Variants in CTTNBP2NL observed in about 807,000 individuals in gnomAD.
CTTNBP2NL encodes CTTNBP2 N-terminal like.
A neutral mutation model predicts 32.5 loss-of-function variants in CTTNBP2NL; 16 were observed. That is an observed-to-expected ratio of 0.49 (90% confidence interval 0.33 to 0.75). The LOEUF (loss-of-function observed/expected upper bound fraction) is 0.75, where lower values mean the gene tolerates loss of function less well. Ranked by LOEUF, CTTNBP2NL falls within the 30% of genes least tolerant of loss-of-function variation. The probability of loss-of-function intolerance (pLI) is 0.02; values close to 1 mark genes in which losing one functional copy is unlikely to be tolerated. For synonymous variants in CTTNBP2NL, 298 were observed against 289.4 expected, an observed-to-expected ratio of 1.03 and a Z score of -0.30; for missense variants, 645 against 756.0, an observed-to-expected ratio of 0.85 and a Z score of 1.72.
At chr1:112,415,872 C>A (rs1017842347) in intron 2 of CTTNBP2NL, 1 of 322,406 alleles carries the variant, frequency 3.1e-6, no homozygotes, top group Non-Finnish European at 5.7e-6. Flanking sequence ...CTAATTCTTT[C>A]TGAGATTTCC....
chr1:112,429,088 A>G (rs1649485423), intron 3 of CTTNBP2NL, among the ~76,000 whole-genome samples: 1 of 152,100 alleles, frequency 6.6e-6, no homozygotes, highest in Non-Finnish European at 1.5e-5. Context: ...TGGTTTTCAG[A>G]GTGTTTCTAT....
At chr1:112,444,027 C>T (rs1190509342) in intron 3 of CTTNBP2NL, among the ~76,000 whole-genome samples, 2 of 152,162 alleles carry the variant, frequency 1.3e-5, no homozygotes, top group Non-Finnish European at 2.9e-5. Context: ...TGGTCCCTGG[C>T]ATGAAGTATT....
chr1:112,421,678 T>C (rs1025309833), intron 3 of CTTNBP2NL, among the ~76,000 whole-genome samples: 1 of 151,912 alleles, frequency 6.6e-6, no homozygotes, highest in African/African-American at 2.4e-5. Context: ...ACAGTTCTTC[T>C]CAATTAAATC....
intron 3 of CTTNBP2NL, among the ~76,000 whole-genome samples, chr1:112,430,186 CTT>C (rs749093567): frequency 1.2e-5 from 1 of 81,360 alleles, no homozygotes; most frequent in African/African-American, 3.4e-5. Flanking sequence ...CTTTTCTTTT[CTT>C]TTCTTTTCTT....
At chr1:112,422,247 A>T (rs569196449) in intron 3 of CTTNBP2NL, among the ~76,000 whole-genome samples, 1 of 151,864 alleles carries the variant, frequency 6.6e-6, no homozygotes, top group Non-Finnish European at 1.5e-5. Flanking sequence ...AATATACTCT[A>T]TTTTTTCCTG....
Position 112,416,142 on chromosome 1 carries a change from T to G in CTTNBP2NL, c.-9-15T>G. The G allele has an allele frequency of 1.5e-6, 2 of 1,304,862 alleles. No homozygotes were observed. Among genetic ancestry groups the G allele is most frequent in the Non-Finnish European group, 2.2e-6 (2 of 907,940 alleles). The allele number at this position is 1,304,862 out of a possible 1,614,324, so 80.8% of individuals were successfully genotyped here. A position where few individuals can be genotyped will look rare whatever the true frequency, so the allele number is the denominator to read the frequency against. ...TATGTCTTTGGAGATTGTCTGATTGTTACCTTTGTTTCAGGCTTTCAAGAT... is the reference window on the plus strand; with the variant it reads ...TATGTCTTTGGAGATTGTCTGATTGGTACCTTTGTTTCAGGCTTTCAAGAT... On this transcript the variant is annotated splice_polypyrimidine_tract_variant and intron_variant, in intron 2 of 5. Transcript: ENST00000271277.
chr1:112,440,951 CCTAT>C (rs1160508558), intron 3 of CTTNBP2NL, among the ~76,000 whole-genome samples: 2 of 152,126 alleles, frequency 1.3e-5, no homozygotes, highest in Non-Finnish European at 2.9e-5. Context: ...ATTTGACCTT[CCTAT>C]CTGTTTTGGA....
intron 3 of CTTNBP2NL, among the ~76,000 whole-genome samples, chr1:112,424,894 G>A (rs921276600): frequency 6.6e-6 from 1 of 151,862 alleles, no homozygotes; most frequent in Non-Finnish European, 1.5e-5. Context: ...ATGGCTCACT[G>A]CAGCCTCAAG....
chr1:112,444,217 A>G (rs1649972877), intron 3 of CTTNBP2NL, among the ~76,000 whole-genome samples: 1 of 152,210 alleles, frequency 6.6e-6, no homozygotes, highest in African/African-American at 2.4e-5. Flanking sequence ...TTAATTCTTC[A>G]CCATTGGATT....
chr1:112,430,713 C>T (rs1240359517), intron 3 of CTTNBP2NL, among the ~76,000 whole-genome samples: 3 of 152,026 alleles, frequency 2.0e-5, no homozygotes, highest in Non-Finnish European at 2.9e-5. Flanking sequence ...GCCACCTTGT[C>T]CAGCTAATTT....
At chr1:112,391,759 G>A (rs1268337640), upstream of CTTNBP2NL, among the ~76,000 whole-genome samples, 1 of 152,110 alleles carries the variant, frequency 6.6e-6, no homozygotes, top group East Asian at 1.9e-4. Context: ...GGAGGCCGAG[G>A]CAAGTGGGTC....
chr1:112,412,560 G>C (rs575071209), intron 2 of CTTNBP2NL, among the ~76,000 whole-genome samples: 2 of 144,488 alleles, frequency 1.4e-5, no homozygotes, highest in African/African-American at 5.2e-5. Context: ...CTTTCCTCCT[G>C]TGTAATATTT....
chr1:112,438,962 T>G (rs1468590560), intron 3 of CTTNBP2NL, among the ~76,000 whole-genome samples: 1 of 152,332 alleles, frequency 6.6e-6, no homozygotes, highest in African/African-American at 2.4e-5. Context: ...TTCCTTAATT[T>G]GAGTCCCAAT....
intron 1 of CTTNBP2NL, among the ~76,000 whole-genome samples, chr1:112,410,724 G>T (rs945915443): frequency 2.0e-5 from 3 of 152,010 alleles, no homozygotes; most frequent in African/African-American, 7.2e-5. Context: ...CTTGCTCTTC[G>T]GAGTTACTGA....
intron 1 of CTTNBP2NL, among the ~76,000 whole-genome samples, chr1:112,410,657 A>C (rs1648832108): frequency 6.6e-6 from 1 of 152,240 alleles, no homozygotes; most frequent in Non-Finnish European, 1.5e-5. Flanking sequence ...TCTATGTCTA[A>C]ACTCTAAGGA....
At chr1:112,452,335 CTTTTTTTTTTT>C (rs1157736195) in intron 4 of CTTNBP2NL, among the ~76,000 whole-genome samples, 4 of 65,688 alleles carry the variant, frequency 6.1e-5, no homozygotes, top group African/African-American at 2.4e-4. Context: ...CCAGTCTCTT[CTTTTTTTTTTT>C]TTTTTTTTTT....
At chr1:112,418,195 A>G (rs1649119543) in intron 3 of CTTNBP2NL, among the ~76,000 whole-genome samples, 1 of 152,162 alleles carries the variant, frequency 6.6e-6, no homozygotes, top group Non-Finnish European at 1.5e-5. Flanking sequence ...CTTCTTTGGC[A>G]AGGCTTGAGT....
chr1:112,427,284 C>T (rs1649431355), intron 3 of CTTNBP2NL, among the ~76,000 whole-genome samples: 2 of 152,110 alleles, frequency 1.3e-5, no homozygotes, highest in Non-Finnish European at 2.9e-5. Flanking sequence ...TCTGGGAGCA[C>T]AAGAAGATTG....
chr1:112,441,144 C>G (rs1467901582), intron 3 of CTTNBP2NL, among the ~76,000 whole-genome samples: 1 of 152,170 alleles, frequency 6.6e-6, no homozygotes, highest in African/African-American at 2.4e-5. Context: ...AACCCACACT[C>G]CTATCAAGAC....
Sources: gnomAD v4.1 joint callset for allele counts (sites outside exome capture counted in the v4.1 genomes callset) on GRCh38, gnomAD v4.1.1 for gene constraint, MANE v1.5 for transcripts, NCBI Gene and HGNC (gene_info 2026-07-23, HGNC 2026-07-21) for gene names.